Variants in MORC3 observed in about 807,000 individuals in gnomAD.
The protein encoded by MORC3 is MORC family CW-type zinc finger protein 3.
A neutral mutation model predicts 109.1 loss-of-function variants in MORC3; 31 were observed. The observed-to-expected ratio is 0.28, with a 90% confidence interval of 0.21 to 0.38. The LOEUF is 0.38. MORC3 is among the 10% of genes least tolerant of loss of function. The pLI is 1.00. For synonymous variants in MORC3, 395 were observed against 380.7 expected, an observed-to-expected ratio of 1.04 and a Z score of -0.44; for missense variants, 867 against 1,135.8, an observed-to-expected ratio of 0.76 and a Z score of 3.40.
At position 36,375,922 on chromosome 21, in the gene MORC3, CAA is replaced by C. The variant is rs1349407314; in HGVS notation, c.*628_*629del. The C allele has an allele frequency of 6.6e-6, 1 of 152,108 alleles. No homozygotes were observed. The highest frequency in any genetic ancestry group is 2.4e-5 in the African/African-American group (1 of 41,416). 9.4% of individuals were successfully genotyped at this position (152,108 alleles called of 1,614,324 possible). A position where few individuals can be genotyped will look rare whatever the true frequency, so the allele number is the denominator to read the frequency against. On this transcript the variant is annotated 3_prime_UTR_variant, in exon 17 of 17. Coordinates refer to ENST00000400485, the MANE Select transcript of MORC3 (RefSeq NM_015358.3). Reference sequence around the variant, plus strand: ...TGAGATTGCCAATCACGGTTAAACACAAAGTGTTTTTATAGAATGAAGAAACA... The same window carrying C: ...TGAGATTGCCAATCACGGTTAAACACAGTGTTTTTATAGAATGAAGAAACA...
chr21:36,372,297 A>T (rs2085878829), intron 15 of MORC3, 77 bp from the exon 16 acceptor site: 3 of 1,304,172 alleles, frequency 2.3e-6, no homozygotes, highest in Admixed American at 2.9e-5. Flanking sequence ...CAGGTTCTCT[A>T]TATTAGCTTG....
chr21:36,372,690 A>C (rs1479714670), intron 16 of MORC3, among the ~76,000 whole-genome samples, 159 bp downstream of exon 16: 8 of 152,254 alleles, frequency 5.3e-5, no homozygotes, highest in Non-Finnish European at 1.2e-4. Flanking sequence ...AAGAAGTGAC[A>C]CTTCATTATC....
chr21:36,350,509 A>T (rs543136741), intron 9 of MORC3, among the ~76,000 whole-genome samples: 1 of 149,480 alleles, frequency 6.7e-6, no homozygotes, highest in Non-Finnish European at 1.5e-5. Context: ...GTGTCACTGC[A>T]TTCCCGCGCT....
At chr21:36,334,782 G>A (rs1183281518) in intron 2 of MORC3, among the ~76,000 whole-genome samples, 1 of 152,142 alleles carries the variant, frequency 6.6e-6, no homozygotes, top group East Asian at 1.9e-4. Flanking sequence ...TGAGAAAGCG[G>A]CAAGGTTGCG....
chr21:36,361,933 G>T, intron 12 of MORC3: 1 of 536,136 alleles, frequency 1.9e-6, no homozygotes, highest in Non-Finnish European at 3.3e-6. Context: ...TCTGGACTGA[G>T]TTATCTGGTC....
At chr21:36,368,934 T>C (rs1601541382) in intron 14 of MORC3, 54 bp from the exon 15 acceptor site, 1 of 1,418,670 alleles carries the variant, frequency 7.0e-7, no homozygotes, top group East Asian at 2.5e-5. Flanking sequence ...TTCAAGGTCA[T>C]CTATTTTGTC....
intron 1 of MORC3, among the ~76,000 whole-genome samples, chr21:36,329,014 C>A (rs967189461): frequency 4.6e-5 from 7 of 151,564 alleles, no homozygotes; most frequent in African/African-American, 1.7e-4. Flanking sequence ...GTTTACAGGC[C>A]GGGCAGGGTG....
At chr21:36,332,015 C>T (rs2085321376) in intron 1 of MORC3, among the ~76,000 whole-genome samples, 1 of 151,972 alleles carries the variant, frequency 6.6e-6, no homozygotes. Flanking sequence ...GTGGTCCATG[C>T]CTGTGGTCCC....
At chr21:36,320,916 C>G (rs988888722) in intron 1 of MORC3, among the ~76,000 whole-genome samples, 2 of 152,172 alleles carry the variant, frequency 1.3e-5, no homozygotes, top group African/African-American at 2.4e-5. Context: ...TCTTGGAAAC[C>G]CTGTGAACAT....
At chr21:36,333,809 GTCTC>G (rs1205902175) in intron 2 of MORC3, 91 bp downstream of exon 2, 17 of 1,045,912 alleles carry the variant, frequency 1.6e-5, no homozygotes, top group Non-Finnish European at 2.4e-5. Context: ...TTTAAACAGA[GTCTC>G]TCTCTGTCGC....
rs763620724 is a variant in MORC3 at position 36,349,314 on chromosome 21, A to G, written c.1009A>G (p.Asn337Asp). Residue 337 changes from asparagine to aspartate, a missense_variant, in exon 9 of 17, where the codon AAC (asparagine) becomes GAC (aspartate). By Grantham distance (23) the Asn-to-Asp change is conservative. Around this residue, in one of 7 missense-constraint regions of MORC3, gnomAD observed 120 missense variants for 259.7 expected, o/e 0.46. Coordinates refer to ENST00000400485, the MANE Select transcript of MORC3 (RefSeq NM_015358.3). ...YEKVGCQLRA[N>D]NMGVGVVGII... The stretch of plus-strand genomic sequence containing the variant: ...TGATTTCATTTTATTTTTTCAGGCA[A>G]ACAACATGGGTGTTGGAGTGGTTGG... 3 of 1,601,888 alleles carry G rather than the reference A, an allele frequency of 1.9e-6. No individual in the cohort carries two copies. The highest frequency in any genetic ancestry group is 2.2e-5 in the East Asian group (1 of 44,608).
At chr21:36,325,695 C>A (rs984245852) in intron 1 of MORC3, among the ~76,000 whole-genome samples, 5 of 152,142 alleles carry the variant, frequency 3.3e-5, no homozygotes, top group African/African-American at 1.2e-4. Flanking sequence ...TTGCTTTCTT[C>A]GGTTTTAATT....
rs763659710 is a variant in MORC3 at position 36,355,465 on chromosome 21, A to G, written c.1104-1155A>G. ...CAGCTGGTGTTTGTCTTTTCTCTTC[A>G]AGGCTTAAGGGTTAGCATCTTTATA... On this transcript the variant is annotated intron_variant, in intron 9 of 16. Coordinates refer to ENST00000400485, the MANE Select transcript of MORC3 (RefSeq NM_015358.3). 1.7e-4 allele frequency among the ~76,000 whole-genome samples: 26 copies of G among 152,270 alleles called. 1 individual carries two copies. The highest frequency in any genetic ancestry group is 1.0e-3 in the South Asian group (5 of 4,830).
Position 36,336,888 on chromosome 21 carries a change from C to G in MORC3, c.127C>G (p.Pro43Ala). Residue 43 changes from proline to alanine, a missense_variant, in exon 3 of 17, where the codon CCT becomes GCT. Pro to Ala is a conservative substitution (Grantham distance 27). Coordinates refer to ENST00000400485, the MANE Select transcript of MORC3 (RefSeq NM_015358.3). ...GTGTTTCCCAGATAATGCTTATGAT[C>G]CTGATGTGAACGCTAAACAAATATG... ...VAELIDNAYD[P>A]DVNAKQIWID... 1.2e-6 allele frequency: 2 copies of G among 1,608,956 alleles called. No homozygotes were observed. The highest frequency in any genetic ancestry group is 1.7e-6 in the Non-Finnish European group (2 of 1,178,044).
intron 1 of MORC3, among the ~76,000 whole-genome samples, chr21:36,324,553 A>G (rs1601505245): frequency 1.3e-5 from 2 of 152,166 alleles, no homozygotes; most frequent in Non-Finnish European, 2.9e-5. Flanking sequence ...CTGGGATTAC[A>G]GGCGTGAGCC....
At chr21:36,340,442 C>T (rs553656210) in intron 5 of MORC3, among the ~76,000 whole-genome samples, 112 of 152,138 alleles carry the variant, frequency 7.4e-4, no homozygotes, top group African/African-American at 2.4e-3. Context: ...CTCCTTAATC[C>T]GTGGCAACCT....
intron 9 of MORC3, among the ~76,000 whole-genome samples, chr21:36,355,554 C>T (rs148227995): frequency 9.2e-5 from 14 of 152,206 alleles, no homozygotes; most frequent in South Asian, 2.1e-4. Flanking sequence ...TTAGCCTGTC[C>T]GTTCTTGGAC....
At chr21:36,366,070 A>T (rs1242088080) in intron 14 of MORC3, among the ~76,000 whole-genome samples, 1 of 152,126 alleles carries the variant, frequency 6.6e-6, no homozygotes, top group Non-Finnish European at 1.5e-5. Flanking sequence ...GGGTACATGC[A>T]GGTTTGTTAC....
Position 36,320,242 on chromosome 21 carries a change from C to A in MORC3, c.-23C>A. The A allele has an allele frequency of 6.3e-7, 1 of 1,577,124 alleles. No homozygotes were observed. The highest frequency in any genetic ancestry group is 8.6e-7 in the Non-Finnish European group (1 of 1,162,902). ...CAGTCGGGTTGCGGCGGAGGCCGTTCCTGGCTTTGTAGCTCGCTCAAGATG... is the reference window on the plus strand; with the variant it reads ...CAGTCGGGTTGCGGCGGAGGCCGTTACTGGCTTTGTAGCTCGCTCAAGATG... On this transcript the variant is annotated 5_prime_UTR_variant, in exon 1 of 17. Coordinates refer to ENST00000400485, the MANE Select transcript of MORC3 (RefSeq NM_015358.3).
Sources: gnomAD v4.1 joint callset for allele counts (sites outside exome capture counted in the v4.1 genomes callset) on GRCh38, gnomAD v4.1.1 for gene constraint, gnomAD v4.1.1 regional missense constraint, MANE v1.5 for transcripts, NCBI Gene and HGNC (gene_info 2026-07-23, HGNC 2026-07-21) for gene names.